The following NCKAP5 variants were observed in gnomAD, a reference collection of about 807,000 sequenced individuals.
NCKAP5 encodes the protein nck-associated protein 5.
Under a neutral mutation model 167.0 loss-of-function variants are expected in NCKAP5, and 92 were observed. The ratio of observed to expected loss-of-function variants is 0.55; its 90% CI spans 0.47 to 0.66. The LOEUF (loss-of-function observed/expected upper bound fraction) is 0.66. Ranked by LOEUF, NCKAP5 falls within the 30% of genes least tolerant of loss-of-function variation. The pLI is 0.00. For missense variants in NCKAP5, 2,378 were observed against 2,315.0 expected, an observed-to-expected ratio of 1.03 and a Z score of -0.56; for synonymous variants, 891 against 877.4, an observed-to-expected ratio of 1.02 and a Z score of -0.27.
chr2:133,186,730 C>T (rs1214078360), intron 5 of NCKAP5, among the ~76,000 whole-genome samples: 5 of 151,764 alleles, frequency 3.3e-5, no homozygotes, highest in East Asian at 3.9e-4. Context: ...TTTTCTAATA[C>T]GTGTGCAGAG....
At chr2:132,768,692 T>G (rs1210030871) in intron 16 of NCKAP5, among the ~76,000 whole-genome samples, 1 of 146,592 alleles carries the variant, frequency 6.8e-6, no homozygotes, top group African/African-American at 2.5e-5. Context: ...CAGGCTGGAG[T>G]GCAGTGGCGC....
At chr2:133,181,494 C>T (rs2084730297) in intron 5 of NCKAP5, among the ~76,000 whole-genome samples, 1 of 148,362 alleles carries the variant, frequency 6.7e-6, no homozygotes, top group Non-Finnish European at 1.5e-5. Flanking sequence ...AGTAAATGAT[C>T]TAAATGTGCT....
At chr2:133,444,801 C>G (rs1691093404) in intron 3 of NCKAP5, among the ~76,000 whole-genome samples, 1 of 152,314 alleles carries the variant, frequency 6.6e-6, no homozygotes, top group East Asian at 1.9e-4. Context: ...GACCCTCTGA[C>G]TAGCGCTGGC....
chr2:132,693,183 G>A lies in NCKAP5; in HGVS notation c.5714-19878C>T, dbSNP rs540544688. On this transcript the variant is annotated intron_variant, in intron 19 of 19. Transcript: ENST00000409261. ...TCCATCTTCTGCTTCTTGGCTTCAC[G>A]TACTCTCATGGGTTGAACTAGGTCC... Among the ~76,000 whole-genome samples, 96 of 152,216 alleles carry A rather than the reference G, an allele frequency of 6.3e-4. 1 individual carries two copies. Among genetic ancestry groups the A allele is most frequent in the African/African-American group, 2.1e-3 (87 of 41,526 alleles).
intron 19 of NCKAP5, among the ~76,000 whole-genome samples, chr2:132,694,110 T>C (rs1032015877): frequency 2.9e-4 from 43 of 147,390 alleles, no homozygotes; most frequent in African/African-American, 9.8e-4. Context: ...GTGTTTTATT[T>C]ATTTATTTAT....
chr2:133,338,549 C>CT (rs1166554760), intron 3 of NCKAP5, among the ~76,000 whole-genome samples: 1 of 152,148 alleles, frequency 6.6e-6, no homozygotes, highest in African/African-American at 2.4e-5. Flanking sequence ...GTATCAGGTT[C>CT]TTTTTTGGTA....
chr2:133,472,418 A>G (rs1455601007), intron 3 of NCKAP5, among the ~76,000 whole-genome samples: 1 of 152,040 alleles, frequency 6.6e-6, no homozygotes, highest in East Asian at 1.9e-4. Flanking sequence ...TATGATGAAG[A>G]TCTTGGTGCA....
At chr2:133,100,879 T>C (rs1009270452) in intron 6 of NCKAP5, among the ~76,000 whole-genome samples, 1 of 152,226 alleles carries the variant, frequency 6.6e-6, no homozygotes, top group Non-Finnish European at 1.5e-5. Flanking sequence ...AAAATATTTT[T>C]ACTATATGCA....
At chr2:133,142,564 G>T (rs2083040916) in intron 5 of NCKAP5, among the ~76,000 whole-genome samples, 1 of 152,128 alleles carries the variant, frequency 6.6e-6, no homozygotes, top group African/African-American at 2.4e-5. Context: ...TCGTTCAGAA[G>T]TGGTCTCTCC....
intron 12 of NCKAP5, among the ~76,000 whole-genome samples, chr2:132,791,828 C>T (rs13411279): frequency 0.041 from 6,233 of 152,254 alleles, 441 homozygotes; most frequent in African/African-American, 0.14. Context: ...CATCAGTACA[C>T]AGGGCATGTT....
At chr2:133,561,444 A>C (rs1688151174) in intron 1 of NCKAP5, among the ~76,000 whole-genome samples, 1 of 152,236 alleles carries the variant, frequency 6.6e-6, no homozygotes. Flanking sequence ...GTGGTTCATA[A>C]AATAACATTA....
intron 7 of NCKAP5, among the ~76,000 whole-genome samples, chr2:132,964,659 G>T (rs1453205646): frequency 6.6e-6 from 1 of 152,018 alleles, no homozygotes; most frequent in African/African-American, 2.4e-5. Flanking sequence ...CCACAATCAG[G>T]TGACATCCTT....
chr2:132,782,971 T>G lies in NCKAP5; in HGVS notation c.3840A>C (p.Thr1280=), dbSNP rs199860527. The G allele has an allele frequency of 1.3e-3, 2,111 of 1,613,954 alleles. 2 individuals are homozygous for G. Among genetic ancestry groups the G allele is most frequent in the Non-Finnish European group, 1.7e-3 (1,952 of 1,179,880 alleles). The change falls in exon 14 of 20, where the codon ACA becomes ACC. Residue 1280 remains threonine (T), a synonymous_variant. Coordinates refer to ENST00000409261, the MANE Select transcript of NCKAP5 (RefSeq NM_207363.3). The stretch of plus-strand genomic sequence containing the variant: ...GCGTAGAAGGCTTGTCTCCTGAGTG[T>G]GTACTGAAGCTGTGGCTGCGGGCTT... ...GAKARSHSFS[T]HSGDKPSTPP...
chr2:133,613,242 C>G, the NCKAP5 span, among the ~76,000 whole-genome samples: 1 of 152,154 alleles, frequency 6.6e-6, no homozygotes, highest in Non-Finnish European at 1.5e-5. Flanking sequence ...GCTGAAAGCT[C>G]ACAATATGAC....
At chr2:133,466,658 C>A (rs1186584944) in intron 3 of NCKAP5, among the ~76,000 whole-genome samples, 1 of 152,150 alleles carries the variant, frequency 6.6e-6, no homozygotes, top group East Asian at 1.9e-4. Flanking sequence ...AATGTTCTTC[C>A]GTTTGTTTGT....
intron 5 of NCKAP5, among the ~76,000 whole-genome samples, chr2:133,174,818 G>A (rs754805891): frequency 9.9e-5 from 15 of 150,900 alleles, no homozygotes; most frequent in Non-Finnish European, 1.9e-4. Flanking sequence ...GTCTCTAGCT[G>A]TACTCTCTGT....
chr2:132,904,356 AAATT>A (rs1332310028), intron 8 of NCKAP5, among the ~76,000 whole-genome samples: 2 of 150,520 alleles, frequency 1.3e-5, no homozygotes, highest in African/African-American at 4.8e-5. Context: ...AAATAAATAA[AAATT>A]AAATAAAAAT....
chr2:133,481,620 T>C (rs958003508), intron 3 of NCKAP5, among the ~76,000 whole-genome samples: 1 of 152,174 alleles, frequency 6.6e-6, no homozygotes, highest in Non-Finnish European at 1.5e-5. Context: ...GTGTGTGTTG[T>C]TCCCCTCTTT....
At chr2:132,758,576 T>C (rs1680747591) in intron 16 of NCKAP5, among the ~76,000 whole-genome samples, 1 of 152,140 alleles carries the variant, frequency 6.6e-6, no homozygotes, top group Non-Finnish European at 1.5e-5. Flanking sequence ...ACAACCTCTG[T>C]TTTTAGCTCC....
Sources: allele counts gnomAD v4.1 joint callset (sites outside exome capture counted in the v4.1 genomes callset), GRCh38; gene constraint gnomAD v4.1.1; transcripts MANE v1.5; gene names NCBI Gene and HGNC (gene_info 2026-07-23, HGNC 2026-07-21).